GRID2: variants seen among roughly 807,000 people sequenced by gnomAD.
GRID2 encodes the protein glutamate ionotropic receptor delta type subunit 2, also known as glutamate receptor ionotropic, delta-2.
In GRID2, 33 loss-of-function variants were observed where a neutral mutation model predicts 114.8. The ratio of observed to expected loss-of-function variants is 0.29; its 90% confidence interval spans 0.22 to 0.38. GRID2 has a LOEUF of 0.38. Ranked by LOEUF, GRID2 falls within the 10% of genes least tolerant of loss-of-function variation. The pLI, the probability that GRID2 is intolerant of heterozygous loss-of-function variation, is 1.00. For missense variants in GRID2, 1,184 were observed against 1,257.7 expected (o/e 0.94, Z 0.89); for synonymous variants, 505 against 449.9 (o/e 1.12, Z -1.55).
intron 11 of GRID2, among the ~76,000 whole-genome samples, chr4:93,463,002 A>C (rs1377823343): frequency 6.6e-6 from 1 of 152,174 alleles, no homozygotes; most frequent in Non-Finnish European, 1.5e-5. Context: ...TATTAAATTA[A>C]AACAGCTCTC....
At chr4:92,343,976 T>C (rs574653218) in intron 1 of GRID2, among the ~76,000 whole-genome samples, 5 of 152,266 alleles carry the variant, frequency 3.3e-5, no homozygotes, top group Admixed American at 6.5e-5. Context: ...ATCATAAAGG[T>C]CTTCCTCCTT....
chr4:92,460,032 C>CTATATATATATATATATGTATATA (rs1721408333), intron 1 of GRID2, among the ~76,000 whole-genome samples: 1 of 48,442 alleles, frequency 2.1e-5, no homozygotes, highest in African/African-American at 1.0e-4. Context: ...ATAAATCTCA[C>CTATATATATATATATATGTATATA]TATATATATA....
chr4:93,742,205 C>G (rs571484518), intron 14 of GRID2, among the ~76,000 whole-genome samples: 69 of 152,124 alleles, frequency 4.5e-4, no homozygotes, highest in Non-Finnish European at 8.4e-4. Context: ...TTCATTTAGC[C>G]TATGAATAAA....
At chr4:93,749,993 A>G (rs1324866164) in intron 14 of GRID2, among the ~76,000 whole-genome samples, 1 of 152,230 alleles carries the variant, frequency 6.6e-6, no homozygotes, top group Non-Finnish European at 1.5e-5. Context: ...AATAAATGTG[A>G]GACATGTTAA....
intron 4 of GRID2, among the ~76,000 whole-genome samples, chr4:93,188,697 T>C (rs916597411): frequency 1.3e-5 from 2 of 152,112 alleles, no homozygotes; most frequent in African/African-American, 4.8e-5. Context: ...TAATTTTTTC[T>C]TTAATTTGTT....
intron 2 of GRID2, among the ~76,000 whole-genome samples, chr4:92,852,003 T>C (rs1278087323): frequency 1.3e-5 from 2 of 151,932 alleles, no homozygotes; most frequent in Non-Finnish European, 2.9e-5. Flanking sequence ...GTGGTAATTA[T>C]ATAATTAGGT....
At position 93,204,321 on chromosome 4, in the gene GRID2, A is replaced by G. The variant is rs139733161; in HGVS notation, c.736-3083A>G. Among the ~76,000 whole-genome samples, 225 of 152,272 alleles carry G rather than the reference A, an allele frequency of 1.5e-3. 2 individuals carry two copies. Among genetic ancestry groups the G allele is most frequent in the African/African-American group, 4.8e-3 (201 of 41,562 alleles). On this transcript the variant is annotated intron_variant, in intron 4 of 15. Coordinates refer to ENST00000282020, the MANE Select transcript of GRID2 (RefSeq NM_001510.4). ...GACTCTTTCTTAAAAATGCACATTA[A>G]GACATACAGGACTCATACTGAAGGT...
intron 1 of GRID2, among the ~76,000 whole-genome samples, chr4:92,449,281 C>T (rs934676943): frequency 1.3e-5 from 2 of 151,980 alleles, no homozygotes; most frequent in East Asian, 1.9e-4. Flanking sequence ...AAGTTGATTT[C>T]CATAACTTAC....
rs1334037177 is a variant in GRID2 at position 93,248,093 on chromosome 4, AC to A, written c.1245+9604del. ...ACTCCAATATCTAACAGATACACAC[AC>A]ACACACACACCAGTGAAGCTCCAGT... On this transcript the variant is annotated intron_variant, in intron 8 of 15. Transcript: ENST00000282020. 7.2e-4 allele frequency among the ~76,000 whole-genome samples: 110 copies of A among 152,102 alleles called. 1 individual carries two copies. Among genetic ancestry groups the A allele is most frequent in the Non-Finnish European group, 2.4e-4 (16 of 68,016 alleles).
intron 1 of GRID2, among the ~76,000 whole-genome samples, chr4:92,403,574 C>A (rs1730888988): frequency 6.6e-6 from 1 of 151,882 alleles, no homozygotes; most frequent in Non-Finnish European, 1.5e-5. Context: ...CAACTGTAAT[C>A]CCAGCTACTC....
Position 92,304,263 on chromosome 4 carries a change from G to T in GRID2, c.-394G>T, listed in dbSNP as rs976411100. The T allele has an allele frequency of 3.3e-4, 76 of 230,990 alleles. No individual in the cohort carries two copies. Among genetic ancestry groups the T allele is most frequent in the Non-Finnish European group, 6.1e-4 (72 of 118,226 alleles). The allele number at this position is 230,990 out of a possible 1,614,324, so 14.3% of individuals were successfully genotyped here. A position where few individuals can be genotyped will look rare whatever the true frequency, so the allele number is the denominator to read the frequency against. ...GGGGAAGGGGGCACATCCGGCGTGA[G>T]GGGGGTGTTGGAAGTTGCAGCGGAG... On this transcript the variant is annotated 5_prime_UTR_variant, in exon 1 of 16. In the 5' UTR this introduces an upstream ATG that the reference lacks. Coordinates refer to ENST00000282020, the MANE Select transcript of GRID2 (RefSeq NM_001510.4).
chr4:92,574,246 A>C (rs765638050), intron 1 of GRID2, among the ~76,000 whole-genome samples: 4 of 152,108 alleles, frequency 2.6e-5, no homozygotes, highest in Non-Finnish European at 5.9e-5. Flanking sequence ...TTCTGTACCC[A>C]GCTTGCCATT....
chr4:92,502,498 A>G (rs1228335947), intron 1 of GRID2, among the ~76,000 whole-genome samples: 1 of 152,106 alleles, frequency 6.6e-6, no homozygotes, highest in African/African-American at 2.4e-5. Flanking sequence ...ACATGCAACT[A>G]CATGATACAT....
At chr4:93,383,477 G>A (rs1764051721) in intron 8 of GRID2, among the ~76,000 whole-genome samples, 1 of 152,156 alleles carries the variant, frequency 6.6e-6, no homozygotes, top group Admixed American at 6.6e-5. Flanking sequence ...TCCACTGGAA[G>A]TTTCAAGCCT....
At chr4:92,974,726 C>G (rs1231321367) in intron 2 of GRID2, among the ~76,000 whole-genome samples, 1 of 151,782 alleles carries the variant, frequency 6.6e-6, no homozygotes, top group Non-Finnish European at 1.5e-5. Flanking sequence ...AGGAGAAATA[C>G]CTAATGCAGG....
At chr4:93,579,954 A>G (rs911310499) in intron 13 of GRID2, among the ~76,000 whole-genome samples, 1 of 152,172 alleles carries the variant, frequency 6.6e-6, no homozygotes, top group Admixed American at 6.5e-5. Context: ...GATCATCTCC[A>G]ATGCTCTGAT....
chr4:93,670,272 T>A (rs1724298815), intron 14 of GRID2, among the ~76,000 whole-genome samples: 1 of 152,182 alleles, frequency 6.6e-6, no homozygotes, highest in Non-Finnish European at 1.5e-5. Context: ...AAACTCAAGG[T>A]GCAGTAAGCT....
At chr4:92,907,241 T>G (rs1477709992) in intron 2 of GRID2, among the ~76,000 whole-genome samples, 1 of 152,190 alleles carries the variant, frequency 6.6e-6, no homozygotes, top group Non-Finnish European at 1.5e-5. Context: ...CATTCTTCCC[T>G]TGTCTTAATG....
intron 2 of GRID2, among the ~76,000 whole-genome samples, chr4:92,683,123 C>T (rs1248704144): frequency 6.6e-6 from 1 of 152,050 alleles, no homozygotes; most frequent in Non-Finnish European, 1.5e-5. Flanking sequence ...CACGGTGAAA[C>T]CTTGCCTCTA....
Sources: allele counts gnomAD v4.1 joint callset (sites outside exome capture counted in the v4.1 genomes callset), GRCh38; gene constraint gnomAD v4.1.1; transcripts MANE v1.5; gene names NCBI Gene and HGNC (gene_info 2026-07-23, HGNC 2026-07-21).